Variants in TMC3 observed in about 807,000 individuals in gnomAD.
TMC3 encodes transmembrane channel-like protein 3.
Under a neutral mutation model 110.6 loss-of-function variants are expected in TMC3, and 98 were observed. The observed-to-expected ratio is 0.89, with a 90% CI of 0.75 to 1.05. The LOEUF (loss-of-function observed/expected upper bound fraction) is 1.05, where lower values mean the gene tolerates loss of function less well. Ranked by LOEUF, TMC3 falls within the 50% of genes least tolerant of loss-of-function variation. The probability of loss-of-function intolerance (pLI) is 0.00; values close to 1 mark genes in which losing one functional copy is unlikely to be tolerated. For synonymous variants in TMC3, 489 were observed against 513.1 expected, an observed-to-expected ratio of 0.95 and a Z score of 0.63; for missense variants, 1,319 against 1,373.2, an observed-to-expected ratio of 0.96 and a Z score of 0.62.
At chr15:81,346,154 C>T (rs1039547216) in intron 12 of TMC3, among the ~76,000 whole-genome samples, 1 of 152,208 alleles carries the variant, frequency 6.6e-6, no homozygotes, top group African/African-American at 2.4e-5. Context: ...ACTTACTAGT[C>T]ATGCACTGTG....
At chr15:81,355,850 T>A in intron 8 of TMC3, 82 bp from the exon 9 acceptor site, 1 of 898,084 alleles carries the variant, frequency 1.1e-6, no homozygotes, top group Non-Finnish European at 1.8e-6. Context: ...CCCAGTAATT[T>A]AGCTCATACC....
chr15:81,347,102 G>A (rs1444166658), intron 11 of TMC3, among the ~76,000 whole-genome samples: 1 of 152,186 alleles, frequency 6.6e-6, no homozygotes, highest in Non-Finnish European at 1.5e-5. Flanking sequence ...AGTGCTGGAA[G>A]GTTTTGGAAA....
At chr15:81,346,785 A>G (rs561749867) in intron 11 of TMC3, among the ~76,000 whole-genome samples, 1 of 152,350 alleles carries the variant, frequency 6.6e-6, no homozygotes, top group East Asian at 1.9e-4. Flanking sequence ...TTTCTGGTTT[A>G]TGAATTGATT....
intron 4 of TMC3, among the ~76,000 whole-genome samples, chr15:81,361,510 C>G (rs115484204): frequency 5.3e-5 from 8 of 152,118 alleles, no homozygotes; most frequent in African/African-American, 1.9e-4. Context: ...CATGCAACTT[C>G]ATTTGCATTC....
Position 81,351,808 on chromosome 15 carries a change from G to A in TMC3, c.969C>T (p.Asn323=). 1 of 1,611,822 alleles carries A rather than the reference G, an allele frequency of 6.2e-7. No individual in the cohort carries two copies. The highest frequency in any genetic ancestry group is 1.7e-4 in the Middle Eastern group (1 of 6,060). Residue 323 remains asparagine (N), a synonymous_variant, in exon 10 of 22, where the codon AAC becomes AAT. Transcript: ENST00000359440. ...AVTICLRIIA[N]ILVLLSLAGS... ...CAGCCAGTGAGAGAAGCACCAGGAT[G>A]TTGGCAATAATCCTCAGGCAGATGG...
At chr15:81,357,532 G>C (rs1567067354) in intron 7 of TMC3, among the ~76,000 whole-genome samples, 1 of 152,018 alleles carries the variant, frequency 6.6e-6, no homozygotes, top group Non-Finnish European at 1.5e-5. Context: ...TTACAGATGA[G>C]GCTCAGGGAA....
In TMC3 at chr15:81,343,632, T is replaced by A. The variant is rs1306604670; in HGVS notation, c.1647+285A>T. On this transcript the variant is annotated intron_variant, in intron 14 of 21. Coordinates refer to ENST00000359440, the MANE Select transcript of TMC3 (RefSeq NM_001080532.3). ...AGTGAGACCTCATCTCTACAAGAAA[T>A]TTTTAAAACTAGCTGGGCATGGTGG... 2.6e-5 allele frequency among the ~76,000 whole-genome samples: 4 copies of A among 151,918 alleles called. No individual in the cohort carries two copies. The South Asian group carries it at 6.2e-4, about 24-fold the overall frequency.
At chr15:81,373,842 T>C in intron 1 of TMC3, 147 bp downstream of exon 1, 1 of 715,118 alleles carries the variant, frequency 1.4e-6, no homozygotes, top group South Asian at 1.8e-5. Context: ...ATCCTAGTTG[T>C]ACCACAACCT....
At chr15:81,351,348 CTTTTTTTTTT>C (rs35807579) in intron 10 of TMC3, among the ~76,000 whole-genome samples, 5 of 101,312 alleles carry the variant, frequency 4.9e-5, no homozygotes, top group African/African-American at 2.4e-4. Context: ...CTCTCTCTCT[CTTTTTTTTTT>C]TTTTTTTTTT....
At position 81,369,406 on chromosome 15, in the gene TMC3, G is replaced by A. The variant is rs556807954; in HGVS notation, c.237-1078C>T. Reference sequence around the variant, plus strand: ...ACTTCATTCTGGCCAGAACCAAAATGTAGGTTAGGAGCAAGGTTGATGTTC... The same window carrying A: ...ACTTCATTCTGGCCAGAACCAAAATATAGGTTAGGAGCAAGGTTGATGTTC... On this transcript the variant is annotated intron_variant, in intron 2 of 21. Transcript: ENST00000359440. 2.6e-5 allele frequency among the ~76,000 whole-genome samples: 4 copies of A among 152,216 alleles called. No individual in the cohort carries two copies. The East Asian group carries it at 7.7e-4, about 29-fold the overall frequency.
intron 1 of TMC3, among the ~76,000 whole-genome samples, chr15:81,373,734 A>G (rs1304360689): frequency 1.3e-5 from 2 of 152,222 alleles, no homozygotes; most frequent in Non-Finnish European, 2.9e-5. Flanking sequence ...TTGGCCAGCC[A>G]TAAAGCCAGG....
intron 3 of TMC3, among the ~76,000 whole-genome samples, chr15:81,365,676 AAAAAAAAAAG>A (rs796894121): frequency 6.0e-5 from 8 of 134,270 alleles, no homozygotes; most frequent in African/African-American, 2.4e-4. Context: ...GTCTCAAAAA[AAAAAAAAAAG>A]AAAAAGAAAA....
At chr15:81,359,937 C>T (rs375777627) in intron 4 of TMC3, among the ~76,000 whole-genome samples, 61 of 152,128 alleles carry the variant, frequency 4.0e-4, no homozygotes, top group African/African-American at 1.4e-3. Context: ...GAAGGGTACA[C>T]GGGAATTCTC....
chr15:81,354,287 G>A (rs989205334), intron 9 of TMC3, among the ~76,000 whole-genome samples: 3 of 152,190 alleles, frequency 2.0e-5, no homozygotes, highest in Admixed American at 6.5e-5. Flanking sequence ...AAGCAGGAGT[G>A]GAGGTCCTGG....
intron 2 of TMC3, among the ~76,000 whole-genome samples, chr15:81,371,495 G>C (rs76744036): frequency 0.061 from 9,311 of 152,262 alleles, 368 homozygotes; most frequent in Non-Finnish European, 0.093. Flanking sequence ...CACACTGCAG[G>C]TGCCTGATGA....
chr15:81,369,192 G>A (rs763489872), intron 2 of TMC3, among the ~76,000 whole-genome samples: 13 of 151,990 alleles, frequency 8.6e-5, no homozygotes, highest in African/African-American at 1.2e-4. Context: ...TCTGGTCTGC[G>A]CATCACAGCA....
At position 81,332,317 on chromosome 15, in the gene TMC3, T is replaced by A; in HGVS notation, c.*102A>T. 1.4e-6 allele frequency: 2 copies of A among 1,447,042 alleles called. No individual in the cohort carries two copies. Among genetic ancestry groups the A allele is most frequent in the Non-Finnish European group, 1.8e-6 (2 of 1,094,794 alleles). 89.6% of individuals were successfully genotyped at this position (1,447,042 alleles called of 1,614,324 possible). On this transcript the variant is annotated 3_prime_UTR_variant, in exon 22 of 22. Coordinates refer to ENST00000359440, the MANE Select transcript of TMC3 (RefSeq NM_001080532.3). ...CCGCTGACCATGCCCCTCAGGTCTCTAACACACTTGTTCACCTCTTTTTCC... is the reference window on the plus strand; with the variant it reads ...CCGCTGACCATGCCCCTCAGGTCTCAAACACACTTGTTCACCTCTTTTTCC...
At chr15:81,350,838 G>T (rs1372349389) in intron 10 of TMC3, among the ~76,000 whole-genome samples, 1 of 152,044 alleles carries the variant, frequency 6.6e-6, no homozygotes, top group Non-Finnish European at 1.5e-5. Context: ...TTCCAAAATT[G>T]TTCATAACCG....
Position 81,333,203 on chromosome 15 carries a change from G to A in TMC3, c.2519C>T (p.Pro840Leu). 6.2e-7 allele frequency: 1 copy of A among 1,613,970 alleles called. No homozygotes were observed. Among genetic ancestry groups the A allele is most frequent in the Non-Finnish European group, 8.5e-7 (1 of 1,179,880 alleles). ...TTCGATGTGCGTTGTAAATGTCATA[G>A]GTGTGCGCGATCTGTTCCTGTGAAG... ...SDLHRNRSRT[P>L]MTFTTHIEDV... Residue 840 changes from proline to leucine, a missense_variant, in exon 22 of 22, where the codon CCT becomes CTT. Transcript: ENST00000359440.
Sources: gnomAD v4.1 joint callset for allele counts (sites outside exome capture counted in the v4.1 genomes callset) on GRCh38, gnomAD v4.1.1 for gene constraint, MANE v1.5 for transcripts, NCBI Gene and HGNC (gene_info 2026-07-23, HGNC 2026-07-21) for gene names.